KALRN: variants seen among roughly 807,000 people sequenced by gnomAD.
The protein encoded by KALRN is kalirin.
Under a neutral mutation model 353.7 loss-of-function variants are expected in KALRN, and 70 were observed. That is an observed-to-expected ratio of 0.20 (90% confidence interval 0.16 to 0.24). KALRN has a LOEUF of 0.24. KALRN is among the 10% of genes least tolerant of loss of function. The pLI is 1.00. For missense variants in KALRN, 2,791 were observed against 3,756.7 expected, an observed-to-expected ratio of 0.74 and a Z score of 6.72; for synonymous variants, 1,391 against 1,434.8, an observed-to-expected ratio of 0.97 and a Z score of 0.69.
Position 124,725,462 on chromosome 3 carries a change from G to C in KALRN, c.*5992G>C, listed in dbSNP as rs2063407885. 6.6e-6 allele frequency: 1 copy of C among 152,150 alleles called. No homozygotes were observed. Among genetic ancestry groups the C allele is most frequent in the Non-Finnish European group, 1.5e-5 (1 of 68,032 alleles). 9.4% of individuals were successfully genotyped at this position (152,150 alleles called of 1,614,324 possible). On this transcript the variant is annotated 3_prime_UTR_variant, in exon 60 of 60. Transcript: ENST00000682506. ...AAAGTGCAAACTGTTGGAAAATATG[G>C]ATATATGTACATCTGTACATGTATA...
chr3:124,238,053 T>C (rs1418684525), intron 3 of KALRN, among the ~76,000 whole-genome samples: 2 of 152,180 alleles, frequency 1.3e-5, no homozygotes, highest in Non-Finnish European at 2.9e-5. Context: ...CTCCTCTCTG[T>C]AGGCCAGGCC....
In KALRN at chr3:124,664,734, C is replaced by CT. The variant is rs2085409182; in HGVS notation, c.6346-1714dup. Reference sequence around the variant, plus strand: ...CAGAATCAAGCTTTTAAGTTAAGCACTGCTGTCTCTTGTTTTTGTCAAGCC... The same window carrying CT: ...CAGAATCAAGCTTTTAAGTTAAGCACTTGCTGTCTCTTGTTTTTGTCAAGCC... On this transcript the variant is annotated intron_variant, in intron 45 of 59. Transcript: ENST00000682506. 2.0e-5 allele frequency among the ~76,000 whole-genome samples: 3 copies of CT among 152,324 alleles called. No individual in the cohort carries two copies. In the South Asian group the frequency reaches 6.2e-4, roughly 32 times the overall value.
chr3:124,117,316 CAG>C (rs112946188), intron 1 of KALRN, among the ~76,000 whole-genome samples: 80 of 147,908 alleles, frequency 5.4e-4, no homozygotes, highest in African/African-American at 2.0e-3. Context: ...AAAAGAAAAA[CAG>C]TGTTTTTTTT....
intron 13 of KALRN, among the ~76,000 whole-genome samples, chr3:124,401,050 C>T (rs1264298846): frequency 1.3e-5 from 2 of 152,122 alleles, no homozygotes; most frequent in Non-Finnish European, 1.5e-5. Context: ...CTGGGGGCAT[C>T]GCAAGTGTGT....
intron 16 of KALRN, among the ~76,000 whole-genome samples, chr3:124,433,759 T>G (rs1278273393): frequency 6.6e-6 from 1 of 152,220 alleles, no homozygotes; most frequent in Non-Finnish European, 1.5e-5. Context: ...AGGAGGTTAC[T>G]CTCTAGCTTT....
chr3:124,497,591 A>C lies in KALRN; in HGVS notation c.4935+1178A>C, dbSNP rs1424442855. On this transcript the variant is annotated intron_variant, in intron 33 of 59. Coordinates refer to ENST00000682506, the MANE Select transcript of KALRN (RefSeq NM_001388419.1). ...AAGGTAATTCTGACAACTGCCCTCA[A>C]GTTTTTAAGCCATTTTCTACTGACT... 4.6e-5 allele frequency among the ~76,000 whole-genome samples: 7 copies of C among 152,194 alleles called. No individual in the cohort carries two copies. The East Asian group carries it at 1.3e-3, about 29-fold the overall frequency.
intron 5 of KALRN, among the ~76,000 whole-genome samples, chr3:124,294,609 C>T (rs1438597182): frequency 7.0e-6 from 1 of 142,634 alleles, no homozygotes; most frequent in African/African-American, 2.6e-5. Context: ...ACTGCAACCT[C>T]CGCCTCCCGG....
At chr3:124,565,644 G>T (rs997390827) in intron 34 of KALRN, among the ~76,000 whole-genome samples, 2 of 152,246 alleles carry the variant, frequency 1.3e-5, no homozygotes, top group African/African-American at 2.4e-5. Flanking sequence ...ATCCCCAGGT[G>T]TGGGTCGTTT....
At position 124,373,310 on chromosome 3, in the gene KALRN, T is replaced by A. The variant is rs535309725; in HGVS notation, c.1771-11535T>A. 1.7e-4 allele frequency among the ~76,000 whole-genome samples: 26 copies of A among 152,302 alleles called. No homozygotes were observed. The South Asian group carries it at 4.8e-3, about 28-fold the overall frequency. ...CCGACTTCTACCCCACCTGGACATC[T>A]GACAGTAGCTGGGGACATTTTTGAT... On this transcript the variant is annotated intron_variant, in intron 10 of 59. Transcript: ENST00000682506.
At chr3:124,352,594 G>T (rs1047850695) in intron 10 of KALRN, among the ~76,000 whole-genome samples, 14 of 151,904 alleles carry the variant, frequency 9.2e-5, no homozygotes, top group Admixed American at 2.0e-4. Context: ...TAAAGAAATA[G>T]AAAAACATGG....
At chr3:124,616,484 TCTCA>T (rs1474551591) in intron 34 of KALRN, among the ~76,000 whole-genome samples, 1 of 152,092 alleles carries the variant, frequency 6.6e-6, no homozygotes, top group East Asian at 1.9e-4. Flanking sequence ...TCTCCAGGAG[TCTCA>T]CTCACCCTTT....
chr3:124,712,842 C>A, intron 57 of KALRN, 93 bp from the exon 58 acceptor site: 1 of 785,154 alleles, frequency 1.3e-6, no homozygotes, highest in Non-Finnish European at 2.1e-6. Context: ...TAAGATCTAT[C>A]TGACCACTTC....
At chr3:124,636,530 A>AT (rs2081365726) in intron 36 of KALRN, among the ~76,000 whole-genome samples, 1 of 152,154 alleles carries the variant, frequency 6.6e-6, no homozygotes, top group Non-Finnish European at 1.5e-5. Flanking sequence ...GACTCCTGCT[A>AT]AAGCCTTTTA....
At chr3:124,179,005 G>C (rs1047651022) in intron 1 of KALRN, among the ~76,000 whole-genome samples, 1 of 152,068 alleles carries the variant, frequency 6.6e-6, no homozygotes, top group Non-Finnish European at 1.5e-5. Flanking sequence ...TACTTGAGAG[G>C]CTGAAGTGGG....
intron 6 of KALRN, among the ~76,000 whole-genome samples, chr3:124,300,013 C>T (rs566624979): frequency 1.3e-5 from 2 of 152,226 alleles, no homozygotes; most frequent in African/African-American, 4.8e-5. Context: ...GACAGCTTAT[C>T]ATTGTAGCTG....
chr3:124,065,989 G>A (rs2042325981), intron 1 of KALRN, among the ~76,000 whole-genome samples: 1 of 152,192 alleles, frequency 6.6e-6, no homozygotes, highest in South Asian at 2.1e-4. Flanking sequence ...AGTTTGGTGG[G>A]AGCAGGAGTA....
chr3:124,138,035 T>A (rs1310729515), intron 1 of KALRN, among the ~76,000 whole-genome samples: 1 of 152,074 alleles, frequency 6.6e-6, no homozygotes, highest in African/African-American at 2.4e-5. Context: ...TTCCCAGGGA[T>A]CCCCAGTGGC....
intron 4 of KALRN, among the ~76,000 whole-genome samples, chr3:124,266,512 C>A (rs951182617): frequency 6.6e-6 from 1 of 152,100 alleles, no homozygotes; most frequent in Non-Finnish European, 1.5e-5. Context: ...ATGATTTAAG[C>A]GTCTGTATTC....
At chr3:124,251,157 C>T (rs148230753) in intron 3 of KALRN, among the ~76,000 whole-genome samples, 1 of 152,236 alleles carries the variant, frequency 6.6e-6, no homozygotes, top group African/African-American at 2.4e-5. Flanking sequence ...TGTAAAATGA[C>T]CTTACTGATT....
Sources: allele counts gnomAD v4.1 joint callset (sites outside exome capture counted in the v4.1 genomes callset), GRCh38; gene constraint gnomAD v4.1.1; transcripts MANE v1.5; gene names NCBI Gene and HGNC (gene_info 2026-07-23, HGNC 2026-07-21).